Variants in CDK8 observed in about 807,000 individuals in gnomAD.
CDK8 encodes cyclin dependent kinase 8, also known as cyclin-dependent kinase 8.
Under a neutral mutation model 71.5 loss-of-function variants are expected in CDK8, and 29 were observed. That is an observed-to-expected ratio of 0.41 (90% CI 0.30 to 0.55). The LOEUF is 0.55. Ranked by LOEUF, CDK8 falls within the 20% of genes least tolerant of loss-of-function variation. CDK8 has a pLI of 0.37. For missense variants in CDK8, 288 were observed against 572.6 expected (o/e 0.50, Z 5.07); for synonymous variants, 161 against 192.1 (o/e 0.84, Z 1.34).
chr13:26,315,764 C>G (rs561363953), intron 1 of CDK8, among the ~76,000 whole-genome samples: 1 of 152,168 alleles, frequency 6.6e-6, no homozygotes, highest in Non-Finnish European at 1.5e-5. Flanking sequence ...AGTAACAATA[C>G]ATTGTTGTGA....
In CDK8 at chr13:26,404,188, A is replaced by G; in HGVS notation, c.*107A>G. On this transcript the variant is annotated 3_prime_UTR_variant, in exon 13 of 13. Coordinates refer to ENST00000381527, the MANE Select transcript of CDK8 (RefSeq NM_001260.3). ...CCATGAGAATGTACTGTACAACCAC[A>G]TCTTCAAAATGTCCAGTAGCCAAGT... is the stretch of plus-strand genomic sequence containing the variant. The G allele has an allele frequency of 2.4e-6, 3 of 1,270,398 alleles. No homozygotes were observed. The highest frequency in any genetic ancestry group is 1.6e-5 in the South Asian group (1 of 63,860). The allele number at this position is 1,270,398 out of a possible 1,614,324, so 78.7% of individuals were successfully genotyped here. A position where few individuals can be genotyped will look rare whatever the true frequency, so the allele number is the denominator to read the frequency against.
chr13:26,265,592 A>G (rs1313449534), intron 1 of CDK8, among the ~76,000 whole-genome samples: 1 of 152,144 alleles, frequency 6.6e-6, no homozygotes, highest in Non-Finnish European at 1.5e-5. Flanking sequence ...TGCAACTGAA[A>G]TTGTTTATTT....
intron 3 of CDK8, among the ~76,000 whole-genome samples, chr13:26,351,843 G>GGGTA (rs1873692087): frequency 6.6e-6 from 1 of 152,174 alleles, no homozygotes; most frequent in East Asian, 1.9e-4. Flanking sequence ...AGGCAGCAGA[G>GGGTA]GGTAACAAGG....
At chr13:26,332,727 T>C (rs1195362038) in intron 1 of CDK8, among the ~76,000 whole-genome samples, 2 of 152,196 alleles carry the variant, frequency 1.3e-5, no homozygotes, top group African/African-American at 2.4e-5. Context: ...ATATATGGCC[T>C]GTATTACTTT....
intron 4 of CDK8, among the ~76,000 whole-genome samples, chr13:26,379,925 G>A (rs1332011639): frequency 6.6e-6 from 1 of 152,180 alleles, no homozygotes; most frequent in African/African-American, 2.4e-5. Flanking sequence ...TTAAGGGAGA[G>A]GGGGAAAATC....
chr13:26,401,890 C>T lies in CDK8; in HGVS notation c.1269+266C>T, dbSNP rs1020356761. ...GGACAAGTAGGATAATATCTCCTGG[C>T]GTTTTTTCATCTGTAAAATGAAACT... is the stretch of plus-strand genomic sequence containing the variant. On this transcript the variant is annotated intron_variant, in intron 12 of 12. Coordinates refer to ENST00000381527, the MANE Select transcript of CDK8 (RefSeq NM_001260.3). The surrounding 1 kb of genome is among the most constrained non-coding windows in gnomAD (Gnocchi z 4.5). 2.0e-5 allele frequency among the ~76,000 whole-genome samples: 3 copies of T among 152,130 alleles called. No homozygotes were observed. Among genetic ancestry groups the T allele is most frequent in the African/African-American group, 4.8e-5 (2 of 41,436 alleles).
intron 1 of CDK8, among the ~76,000 whole-genome samples, chr13:26,317,715 C>T (rs1320859928): frequency 6.6e-6 from 1 of 152,028 alleles, no homozygotes; most frequent in Admixed American, 6.6e-5. Flanking sequence ...GAAGAAATTA[C>T]AAGATAAGTT....
At chr13:26,320,458 G>A (rs771515922) in intron 1 of CDK8, among the ~76,000 whole-genome samples, 4 of 151,874 alleles carry the variant, frequency 2.6e-5, no homozygotes, top group Admixed American at 6.6e-5. Flanking sequence ...ACTCTTAGAA[G>A]ATAACATAGG....
At chr13:26,347,047 C>T (rs1370547344) in intron 2 of CDK8, among the ~76,000 whole-genome samples, 1 of 152,140 alleles carries the variant, frequency 6.6e-6, no homozygotes, top group Non-Finnish European at 1.5e-5. Context: ...AGACATAGTA[C>T]TGGGCTTCAT....
At chr13:26,368,485 A>G (rs954566259) in intron 4 of CDK8, among the ~76,000 whole-genome samples, 1 of 152,204 alleles carries the variant, frequency 6.6e-6, no homozygotes, top group African/African-American at 2.4e-5. Flanking sequence ...TTTATGTACC[A>G]CTAAGAAAGA....
intron 4 of CDK8, among the ~76,000 whole-genome samples, chr13:26,358,039 C>T (rs747758799): frequency 6.6e-6 from 1 of 151,856 alleles, no homozygotes; most frequent in Non-Finnish European, 1.5e-5. Context: ...TGGTGGCTCA[C>T]GCCTGTAATC....
rs557217336 is a variant in CDK8 at position 26,304,037 on chromosome 13, G to A, written c.129-33530G>A. Among the ~76,000 whole-genome samples the A allele has an allele frequency of 9.9e-5, 15 of 152,104 alleles. No individual in the cohort carries two copies. In the South Asian group the frequency reaches 1.9e-3, roughly 19 times the overall value. ...CCCAGCACTTCAGGGAGGCCGAGGC[G>A]GGTGGATCATGAGTTTGGGAGTTCA... On this transcript the variant is annotated intron_variant, in intron 1 of 12. Coordinates refer to ENST00000381527, the MANE Select transcript of CDK8 (RefSeq NM_001260.3).
intron 1 of CDK8, among the ~76,000 whole-genome samples, chr13:26,300,233 C>T (rs1356424089): frequency 6.6e-6 from 1 of 152,060 alleles, no homozygotes; most frequent in Non-Finnish European, 1.5e-5. Flanking sequence ...CAGTGGATGC[C>T]TGAAACCATG....
chr13:26,303,514 C>T (rs923054773), intron 1 of CDK8, among the ~76,000 whole-genome samples: 1 of 152,152 alleles, frequency 6.6e-6, no homozygotes, highest in African/African-American at 2.4e-5. Flanking sequence ...GTTGGGCAGG[C>T]TGGTCATGAA....
intron 1 of CDK8, among the ~76,000 whole-genome samples, chr13:26,310,154 A>G (rs1874219314): frequency 6.6e-6 from 1 of 152,236 alleles, no homozygotes; most frequent in African/African-American, 2.4e-5. Context: ...TCATCCTGCA[A>G]AACTGAAACT....
chr13:26,322,305 G>A (rs1874811896), intron 1 of CDK8, among the ~76,000 whole-genome samples: 1 of 152,116 alleles, frequency 6.6e-6, no homozygotes, highest in African/African-American at 2.4e-5. Context: ...TATTAACATT[G>A]CTACAAGACT....
At chr13:26,308,665 GT>G in intron 1 of CDK8, among the ~76,000 whole-genome samples, 1 of 152,336 alleles carries the variant, frequency 6.6e-6, no homozygotes, top group South Asian at 2.1e-4. Flanking sequence ...AACAACTGAA[GT>G]TTTTCTGGGC....
chr13:26,361,553 CAT>C lies in CDK8; in HGVS notation c.456+7674_456+7675del, dbSNP rs992789263. On this transcript the variant is annotated intron_variant, in intron 4 of 12. Coordinates refer to ENST00000381527, the MANE Select transcript of CDK8 (RefSeq NM_001260.3). Reference sequence around the variant, plus strand: ...TTTATAATAAATTTGTTGAGCATCTCATGTGATTTATTGAATACTACACTCAA... The same window carrying C: ...TTTATAATAAATTTGTTGAGCATCTCGTGATTTATTGAATACTACACTCAA... Among the ~76,000 whole-genome samples the C allele has an allele frequency of 1.4e-4, 21 of 152,212 alleles. 1 individual carries two copies. The highest frequency in any genetic ancestry group is 5.8e-4 in the East Asian group (3 of 5,186).
intron 1 of CDK8, among the ~76,000 whole-genome samples, chr13:26,285,064 C>T (rs575611048): frequency 1.3e-5 from 2 of 152,012 alleles, no homozygotes; most frequent in African/African-American, 2.4e-5. Context: ...CATGTTGAAA[C>T]CCTGTCTCTA....
Sources: gnomAD v4.1 joint callset for allele counts (sites outside exome capture counted in the v4.1 genomes callset) on GRCh38, gnomAD v4.1.1 for gene constraint, Gnocchi (gnomAD v3.1) non-coding constraint, MANE v1.5 for transcripts, NCBI Gene and HGNC (gene_info 2026-07-23, HGNC 2026-07-21) for gene names.